The following MYLK variants were observed in gnomAD, a reference collection of about 807,000 sequenced individuals.
MYLK encodes myosin light chain kinase.
Under a neutral mutation model 203.4 loss-of-function variants are expected in MYLK, and 106 were observed. That is an observed-to-expected ratio of 0.52 (90% CI 0.45 to 0.61). The LOEUF is 0.61. Ranked by LOEUF, MYLK falls within the 20% of genes least tolerant of loss-of-function variation. MYLK has a pLI of 0.00. For missense variants in MYLK, 2,072 were observed against 2,442.3 expected, an observed-to-expected ratio of 0.85 and a Z score of 3.20; for synonymous variants, 867 against 959.5, an observed-to-expected ratio of 0.90 and a Z score of 1.78.
At chr3:123,773,466 C>T (rs562624295) in intron 4 of MYLK, among the ~76,000 whole-genome samples, 1 of 152,192 alleles carries the variant, frequency 6.6e-6, no homozygotes, top group African/African-American at 2.4e-5. Context: ...TTAGTAGGAG[C>T]ACATTTTTAG....
rs748756189 is a variant in MYLK, at chr3:123,733,025, C to A, written c.1387G>T (p.Val463Phe). 18 of 1,614,176 alleles carry A rather than the reference C, an allele frequency of 1.1e-5. No individual in the cohort carries two copies. The highest frequency in any genetic ancestry group is 1.5e-5 in the Non-Finnish European group (18 of 1,180,020). The change falls in exon 11 of 34, where the codon GTT becomes TTT. Residue 463 changes from valine to phenylalanine, a missense_variant. By Grantham distance (50) the Val-to-Phe change is conservative. This residue lies in a region of MYLK where 683 missense variants were observed against 643.8 expected (regional missense o/e 1.06). Transcript: ENST00000360304. ...TAATGGGAGCCAGCATCTTCATAAA[C>A]CTCAATGCTGCCTTCCTGTCTCCTC... ...PVRRQEGSIE[V>F]YEDAGSHYLC...
At chr3:123,681,800 G>T in intron 20 of MYLK, 1 of 245,006 alleles carries the variant, frequency 4.1e-6, no homozygotes, top group South Asian at 5.8e-5. Flanking sequence ...GGTTTTGCAG[G>T]CTCTGGGGGC....
At chr3:123,770,829 A>G (rs1172080073) in intron 4 of MYLK, among the ~76,000 whole-genome samples, 1 of 152,232 alleles carries the variant, frequency 6.6e-6, no homozygotes. Flanking sequence ...AAATCGGTCC[A>G]TAATTCTCCA....
intron 24 of MYLK, among the ~76,000 whole-genome samples, chr3:123,649,454 G>T (rs1055633118): frequency 6.6e-6 from 1 of 152,152 alleles, no homozygotes; most frequent in African/African-American, 2.4e-5. Context: ...ATCCTCTCTA[G>T]CCTCATGGTC....
intron 2 of MYLK, among the ~76,000 whole-genome samples, chr3:123,858,597 C>A (rs2031617318): frequency 6.6e-6 from 1 of 152,140 alleles, no homozygotes; most frequent in African/African-American, 2.4e-5. Context: ...CTTCTTATAA[C>A]ACCACCAGTT....
At chr3:123,637,801 G>A (rs534661196) in intron 29 of MYLK, among the ~76,000 whole-genome samples, 32 of 152,262 alleles carry the variant, frequency 2.1e-4, no homozygotes, top group Admixed American at 1.4e-3. Context: ...AGGCTGGCCA[G>A]CCTTGGGGAC....
intron 16 of MYLK, among the ~76,000 whole-genome samples, chr3:123,703,703 T>G (rs1294269675): frequency 6.6e-6 from 1 of 152,236 alleles, no homozygotes; most frequent in Non-Finnish European, 1.5e-5. Flanking sequence ...TCACCCTGCT[T>G]CTGCCAGGCT....
chr3:123,681,385 T>C (rs979706572), intron 20 of MYLK: 1 of 152,252 alleles, frequency 6.6e-6, no homozygotes, highest in East Asian at 1.9e-4. Flanking sequence ...AGGCGCAGCA[T>C]GTGTCATTCT....
Position 123,682,707 on chromosome 3 carries a change from C to T in MYLK, c.3566-397G>A, listed in dbSNP as rs184951580. Among the ~76,000 whole-genome samples, 129 of 152,308 alleles carry T rather than the reference C, an allele frequency of 8.5e-4. 1 individual carries two copies. The highest frequency in any genetic ancestry group is 2.9e-3 in the African/African-American group (122 of 41,578). ...TCTTGGGTCTCCTCTCCAACAGGGGCGGGAGGGGACAGGGTCCCCGCCCTT... is the reference window on the plus strand; with the variant it reads ...TCTTGGGTCTCCTCTCCAACAGGGGTGGGAGGGGACAGGGTCCCCGCCCTT... On this transcript the variant is annotated intron_variant, in intron 19 of 33. Transcript: ENST00000360304.
intron 2 of MYLK, among the ~76,000 whole-genome samples, chr3:123,861,574 A>G (rs1342010878): frequency 6.6e-6 from 1 of 152,240 alleles, no homozygotes; most frequent in East Asian, 1.9e-4. Flanking sequence ...CCTTGTAGAA[A>G]GCATTTATCC....
At chr3:123,734,959 G>T in intron 9 of MYLK, 1 of 278,236 alleles carries the variant, frequency 3.6e-6, no homozygotes, top group South Asian at 4.2e-5. Context: ...TTGGTAATGT[G>T]CGTTCGTGTG....
chr3:123,641,012 G>A (rs778505857), intron 27 of MYLK, among the ~76,000 whole-genome samples: 4 of 152,180 alleles, frequency 2.6e-5, no homozygotes, highest in Non-Finnish European at 5.9e-5. Flanking sequence ...TCTAAAATTA[G>A]TTGGCTGTAA....
In MYLK at chr3:123,708,713, C is replaced by T. The variant is rs112537316; in HGVS notation, c.2125G>A (p.Val709Met). 2.0e-4 allele frequency: 326 copies of T among 1,613,980 alleles called. 3 individuals carry two copies. Among genetic ancestry groups the T allele is most frequent in the Admixed American group, 1.1e-3 (69 of 60,006 alleles). ...TCAGCCTCACCTTGTACCGTGAGCA[C>T]GGCCTGGGTGCGGACCTCTCCAGCG... ...NSAGEVRTQA[V>M]LTVQEPHDGT... The change falls in exon 15 of 34, where the codon GTG (valine) becomes ATG (methionine). Residue 709 changes from valine to methionine, a missense_variant. Coordinates refer to ENST00000360304, the MANE Select transcript of MYLK (RefSeq NM_053025.4).
chr3:123,652,836 G>T (rs1485657573), intron 24 of MYLK, among the ~76,000 whole-genome samples: 1 of 152,192 alleles, frequency 6.6e-6, no homozygotes, highest in East Asian at 1.9e-4. Context: ...GTGCACTTGG[G>T]TTTGGGAGTA....
chr3:123,679,317 A>AC (rs1418340577), intron 20 of MYLK, among the ~76,000 whole-genome samples: 1 of 151,752 alleles, frequency 6.6e-6, no homozygotes, highest in Non-Finnish European at 1.5e-5. Flanking sequence ...AAAAAAAAAA[A>AC]AAAAACAAAA....
At chr3:123,757,288 A>C (rs2063386436) in intron 4 of MYLK, among the ~76,000 whole-genome samples, 1 of 152,226 alleles carries the variant, frequency 6.6e-6, no homozygotes, top group Non-Finnish European at 1.5e-5. Context: ...TTGTCCCTAT[A>C]GGTCCTCCAA....
chr3:123,757,814 G>T (rs201889337), intron 4 of MYLK, among the ~76,000 whole-genome samples: 1 of 152,326 alleles, frequency 6.6e-6, no homozygotes, highest in East Asian at 1.9e-4. Flanking sequence ...CTGCAACACT[G>T]TCTATGTATT....
chr3:123,741,500 G>A (rs976272588), intron 5 of MYLK, among the ~76,000 whole-genome samples: 5 of 152,194 alleles, frequency 3.3e-5, no homozygotes, highest in Non-Finnish European at 7.3e-5. Context: ...TGTTTTGAAA[G>A]GACCCAACTG....
At chr3:123,870,962 T>C (rs2032743308) in intron 2 of MYLK, among the ~76,000 whole-genome samples, 1 of 152,152 alleles carries the variant, frequency 6.6e-6, no homozygotes, top group African/African-American at 2.4e-5. Context: ...CAGACCATAT[T>C]GGGAGGCAGA....
Sources: allele counts gnomAD v4.1 joint callset (sites outside exome capture counted in the v4.1 genomes callset), GRCh38; gene constraint gnomAD v4.1.1; regional missense constraint gnomAD v4.1.1; transcripts MANE v1.5; gene names NCBI Gene and HGNC (gene_info 2026-07-23, HGNC 2026-07-21).